Variants in PLA2G15 observed in about 807,000 individuals in gnomAD.
PLA2G15 encodes the protein phospholipase A2 group XV.
Under a neutral mutation model 40.9 loss-of-function variants are expected in PLA2G15, and 20 were observed. That is an observed-to-expected ratio of 0.49 (90% confidence interval 0.34 to 0.71). PLA2G15 has a LOEUF of 0.71. PLA2G15 is among the 30% of genes least tolerant of loss of function. The pLI is 0.01. For synonymous variants in PLA2G15, 223 were observed against 228.2 expected (o/e 0.98, Z 0.21); for missense variants, 471 against 541.9 (o/e 0.87, Z 1.30).
chr16:68,248,847 C>G (rs776622604), intron 1 of PLA2G15, among the ~76,000 whole-genome samples: 2 of 152,218 alleles, frequency 1.3e-5, no homozygotes, highest in African/African-American at 4.8e-5. Context: ...GGGGGTGATT[C>G]AGACCAAGAT....
At position 68,260,375 on chromosome 16, in the gene PLA2G15, A is replaced by C. The variant is rs1472211260; in HGVS notation, c.*718A>C. On this transcript the variant is annotated 3_prime_UTR_variant, in exon 6 of 6. Coordinates refer to ENST00000219345, the MANE Select transcript of PLA2G15 (RefSeq NM_012320.4). ...CCCCCAGTCCCGCAGGCTGTGTTCC[A>C]GGGGCCCTGATTTCCTCGGATGTGC... The C allele has an allele frequency of 6.5e-6, 1 of 152,816 alleles. No individual in the cohort carries two copies. The highest frequency in any genetic ancestry group is 2.4e-5 in the African/African-American group (1 of 41,434). 9.5% of individuals were successfully genotyped at this position (152,816 alleles called of 1,614,324 possible). A position where few individuals can be genotyped will look rare whatever the true frequency, so the allele number is the denominator to read the frequency against.
intron 5 of PLA2G15, chr16:68,258,782 CAAA>C (rs878922848): frequency 1.7e-3 from 279 of 168,622 alleles, no homozygotes; most frequent in South Asian, 4.1e-3. Flanking sequence ...GACCCTACTT[CAAA>C]AAAAAAAAAA....
At chr16:68,249,547 C>G (rs1044036099) in intron 2 of PLA2G15, 101 bp downstream of exon 2, 36 of 1,120,528 alleles carry the variant, frequency 3.2e-5, no homozygotes, top group Non-Finnish European at 4.0e-5. Context: ...TCACTGACCT[C>G]TCTCCTTCCC....
intron 2 of PLA2G15, chr16:68,250,196 T>TTTTG: frequency 6.3e-5 from 14 of 223,670 alleles, no homozygotes; most frequent in South Asian, 2.1e-4. Context: ...TTTTTTTTTT[T>TTTTG]GGAGACGGAG....
chr16:68,252,591 TG>T (rs1044843863), intron 2 of PLA2G15: 2 of 455,926 alleles, frequency 4.4e-6, no homozygotes, highest in Non-Finnish European at 8.8e-6. Context: ...TGGTTCTGTT[TG>T]GCACTGCAGC....
In PLA2G15 at chr16:68,249,418, A is replaced by G; in HGVS notation, c.256A>G (p.Ile86Val). Residue 86 changes from isoleucine (I) to valine (V), a missense_variant, in exon 2 of 6, where the codon ATC (isoleucine) becomes GTC (valine). Transcript: ENST00000219345. ...WLNLELLLPV[I>V]IDCWIDNIRL... is the part of the protein sequence containing the mutation. ...GAACCTGGAACTGCTGCTGCCTGTC[A>G]TCATTGACTGCTGGATTGACAATAT... The G allele has an allele frequency of 6.2e-7, 1 of 1,614,190 alleles. No homozygotes were observed. The highest frequency in any genetic ancestry group is 1.1e-5 in the South Asian group (1 of 91,086).
chr16:68,246,672 C>T (rs1407220464), intron 1 of PLA2G15, among the ~76,000 whole-genome samples: 1 of 152,142 alleles, frequency 6.6e-6, no homozygotes, highest in East Asian at 1.9e-4. Flanking sequence ...CAGTGATCCC[C>T]AGAGAGGAAG....
In PLA2G15 at chr16:68,255,410, C is replaced by A. The variant is rs8062085; in HGVS notation, c.502+30C>A. The A allele has an allele frequency of 0.18, 265,738 of 1,489,828 alleles. 24,952 individuals carry two copies. Among genetic ancestry groups the A allele is most frequent in the African/African-American group, 0.3 (21,792 of 72,398 alleles). 92.3% of individuals were successfully genotyped at this position (1,489,828 alleles called of 1,614,324 possible). A position where few individuals can be genotyped will look rare whatever the true frequency, so the allele number is the denominator to read the frequency against. ...GCAGGCACTCTCATTCCCTCCCTGA[C>A]GTCTCGGGAGGTAGGGGTGAGGTGA... is the stretch of plus-strand genomic sequence containing the variant. On this transcript the variant is annotated intron_variant, in intron 4 of 5. Transcript: ENST00000219345. This position sits in a 1 kb window ranked among gnomAD's most constrained non-coding sequence, Gnocchi z 5.9.
In PLA2G15 at chr16:68,255,951, T is replaced by C; in HGVS notation, c.688T>C (p.Trp230Arg). The change falls in exon 5 of 6, where the codon TGG becomes CGG. Residue 230 changes from tryptophan (W) to arginine (R), a missense_variant. Transcript: ENST00000219345. This position sits in a 1 kb window ranked among gnomAD's most constrained non-coding sequence, Gnocchi z 5.9. ...GGCCTTCGTGTCACTGGGTGCGCCCTGGGGGGGCGTGGCCAAGACCCTGCG... is the reference window on the plus strand; with the variant it reads ...GGCCTTCGTGTCACTGGGTGCGCCCCGGGGGGGCGTGGCCAAGACCCTGCG... The part of the protein sequence containing the change: ...IRAFVSLGAP[W>R]GGVAKTLRVL... 1.9e-6 allele frequency: 3 copies of C among 1,611,528 alleles called. No individual in the cohort carries two copies. Among genetic ancestry groups the C allele is most frequent in the Non-Finnish European group, 2.5e-6 (3 of 1,179,480 alleles).
rs1182696012 is a variant in PLA2G15 at position 68,255,020 on chromosome 16, C to T, written c.386C>T (p.Pro129Leu). 1.2e-6 allele frequency: 2 copies of T among 1,612,176 alleles called. No homozygotes were observed. Among genetic ancestry groups the T allele is most frequent in the Admixed American group, 1.7e-5 (1 of 60,008 alleles). ...GKTFSLEFLD[P>L]SKSSVGSYFH... is the part of the protein sequence containing the mutation. ...ACCTTCTCACTGGAGTTCCTGGACCCCAGCAAAAGCAGCGTGGGTATGTAG... is the reference window on the plus strand; with the variant it reads ...ACCTTCTCACTGGAGTTCCTGGACCTCAGCAAAAGCAGCGTGGGTATGTAG... The change falls in exon 3 of 6, where the codon CCC (proline) becomes CTC (leucine). Residue 129 changes from proline (P) to leucine (L), a missense_variant. Pro to Leu is a moderately conservative substitution (Grantham distance 98). Coordinates refer to ENST00000219345, the MANE Select transcript of PLA2G15 (RefSeq NM_012320.4). The surrounding 1 kb of genome is among the most constrained non-coding windows in gnomAD (Gnocchi z 5.9).
At position 68,259,560 on chromosome 16, in the gene PLA2G15, A is replaced by G; in HGVS notation, c.1142A>G (p.Gln381Arg). 1.2e-6 allele frequency: 2 copies of G among 1,613,530 alleles called. No individual in the cohort carries two copies. The highest frequency in any genetic ancestry group is 1.7e-6 in the Non-Finnish European group (2 of 1,180,014). The change falls in exon 6 of 6, where the codon CAA (glutamine) becomes CGA (arginine). Residue 381 changes from glutamine (Q) to arginine (R), a missense_variant. By Grantham distance (43) the Gln-to-Arg change is conservative. Transcript: ENST00000219345. This position sits in a 1 kb window ranked among gnomAD's most constrained non-coding sequence, Gnocchi z 6.5. ...CQAWQSRQEH[Q>R]VLLQELPGSE... ...GCCTGGCAGAGCCGCCAGGAGCACCAAGTGTTGCTGCAGGAGCTGCCAGGC... is the reference window on the plus strand; with the variant it reads ...GCCTGGCAGAGCCGCCAGGAGCACCGAGTGTTGCTGCAGGAGCTGCCAGGC...
chr16:68,246,243 A>C (rs974076486), intron 1 of PLA2G15, among the ~76,000 whole-genome samples: 1 of 149,512 alleles, frequency 6.7e-6, no homozygotes, highest in Non-Finnish European at 1.5e-5. Context: ...TCCCCTGCTC[A>C]CCCCGCTCCT....
At chr16:68,251,870 A>G (rs1369936318) in intron 2 of PLA2G15, among the ~76,000 whole-genome samples, 2 of 151,974 alleles carry the variant, frequency 1.3e-5, no homozygotes, top group Non-Finnish European at 2.9e-5. Flanking sequence ...AAAAAAAAAA[A>G]AAAAAAAGTT....
intron 2 of PLA2G15, chr16:68,250,431 C>G (rs907014812): frequency 4.6e-6 from 1 of 218,488 alleles, no homozygotes; most frequent in Non-Finnish European, 9.4e-6. Context: ...CCACAGTGCC[C>G]GGCTAATTTT....
At chr16:68,252,403 G>A (rs370819949) in intron 2 of PLA2G15, 478 of 332,684 alleles carry the variant, frequency 1.4e-3, no homozygotes, top group Non-Finnish European at 2.4e-3. Flanking sequence ...AGTGTGTGGC[G>A]AGGCCAGAGC....
chr16:68,258,935 G>A (rs2042421409), intron 5 of PLA2G15: 1 of 575,374 alleles, frequency 1.7e-6, no homozygotes, highest in Non-Finnish European at 3.1e-6. Context: ...ACTCCAGCCT[G>A]GGCAACAGAG....
At chr16:68,253,915 C>T (rs2042377854) in intron 2 of PLA2G15, among the ~76,000 whole-genome samples, 1 of 151,900 alleles carries the variant, frequency 6.6e-6, no homozygotes, top group Admixed American at 6.6e-5. Context: ...CCTTGAACTC[C>T]TGGCCTCAAG....
intron 2 of PLA2G15, among the ~76,000 whole-genome samples, chr16:68,250,977 C>A (rs2042350296): frequency 6.6e-6 from 1 of 152,196 alleles, no homozygotes; most frequent in South Asian, 2.1e-4. Context: ...CTCTAAACAT[C>A]ATCATGTGCC....
At chr16:68,258,178 C>T (rs963612791) in intron 5 of PLA2G15, among the ~76,000 whole-genome samples, 7 of 152,186 alleles carry the variant, frequency 4.6e-5, no homozygotes, top group Non-Finnish European at 7.3e-5. Context: ...ATAGGGACTC[C>T]GCCTCCATCT....
Sources: gnomAD v4.1 joint callset for allele counts (sites outside exome capture counted in the v4.1 genomes callset) on GRCh38, gnomAD v4.1.1 for gene constraint, Gnocchi (gnomAD v3.1) non-coding constraint, MANE v1.5 for transcripts, NCBI Gene and HGNC (gene_info 2026-07-23, HGNC 2026-07-21) for gene names.